TSPAN14: variants seen among roughly 807,000 people sequenced by gnomAD.
TSPAN14 encodes tetraspanin 14, also known as tetraspanin-14.
TSPAN14 carries 16 observed loss-of-function variants against 36.6 expected under a neutral mutation model. The ratio of observed to expected loss-of-function variants is 0.44; its 90% CI spans 0.30 to 0.66. The LOEUF (loss-of-function observed/expected upper bound fraction) is 0.66. Ranked by LOEUF, TSPAN14 falls within the 30% of genes least tolerant of loss-of-function variation. TSPAN14 has a pLI of 0.12. For missense variants in TSPAN14, 231 were observed against 355.1 expected (o/e 0.65, Z 2.81); for synonymous variants, 139 against 143.8 (o/e 0.97, Z 0.24).
chr10:80,513,023 C>G (rs1180909170), intron 6 of TSPAN14, among the ~76,000 whole-genome samples: 2 of 152,174 alleles, frequency 1.3e-5, no homozygotes, highest in Non-Finnish European at 2.9e-5. Flanking sequence ...CTCAACCTCC[C>G]AAGTAGCTGG....
intron 2 of TSPAN14, among the ~76,000 whole-genome samples, chr10:80,496,334 T>C (rs138690981): frequency 5.9e-5 from 9 of 152,340 alleles, no homozygotes; most frequent in Non-Finnish European, 2.9e-5. Flanking sequence ...CACATTTTGA[T>C]ATGTTTTCAC....
intron 5 of TSPAN14, among the ~76,000 whole-genome samples, chr10:80,511,773 CCCT>C (rs1840665329): frequency 9.8e-6 from 1 of 101,708 alleles, no homozygotes; most frequent in African/African-American, 3.8e-5. Flanking sequence ...TCTCTCTCTC[CCCT>C]TTTTTCTTTC....
chr10:80,490,567 G>A (rs902927242), intron 2 of TSPAN14, among the ~76,000 whole-genome samples: 2 of 152,192 alleles, frequency 1.3e-5, no homozygotes, highest in African/African-American at 2.4e-5. Context: ...ATTGGTAATG[G>A]CTTAGACAAA....
intron 6 of TSPAN14, 129 bp downstream of exon 6, chr10:80,512,398 A>T: frequency 1.5e-6 from 2 of 1,342,904 alleles, no homozygotes; most frequent in Non-Finnish European, 2.0e-6. Context: ...CTTTCTCCAC[A>T]CCCTCCTCAA....
At chr10:80,520,434 GCCT>G (rs1841201692) in exon 9 of TSPAN14, 1 of 420,776 alleles carries the variant, frequency 2.4e-6, no homozygotes, top group Non-Finnish European at 4.8e-6. Context: ...CACAGGGCAG[GCCT>G]CCTGTGCACT....
chr10:80,472,949 C>T (rs563319942), intron 1 of TSPAN14, among the ~76,000 whole-genome samples: 2 of 152,070 alleles, frequency 1.3e-5, no homozygotes, highest in African/African-American at 2.4e-5. Context: ...GCTCCTGAGC[C>T]GTTCTGCTGT....
intron 4 of TSPAN14, among the ~76,000 whole-genome samples, chr10:80,508,814 G>A (rs544366593): frequency 2.4e-4 from 37 of 152,272 alleles, no homozygotes; most frequent in African/African-American, 7.9e-4. Context: ...TAACAGATAC[G>A]TAGGCACTCG....
At chr10:80,497,313 AGATGGTTTTAGTGT>A (rs1245409676) in intron 2 of TSPAN14, among the ~76,000 whole-genome samples, 23 of 152,304 alleles carry the variant, frequency 1.5e-4, no homozygotes, top group Admixed American at 1.3e-3. Flanking sequence ...CTCCAGGTCC[AGATGGTTTTAGTGT>A]GATAGTTTAC....
At chr10:80,504,646 G>C in intron 2 of TSPAN14, 82 bp from the exon 3 acceptor site, 2 of 1,550,216 alleles carry the variant, frequency 1.3e-6, no homozygotes, top group Non-Finnish European at 1.8e-6. Context: ...CTACCTGGCA[G>C]TGTGGACTTT....
chr10:80,485,201 G>A (rs929036420), intron 1 of TSPAN14, among the ~76,000 whole-genome samples: 10 of 53,660 alleles, frequency 1.9e-4, no homozygotes, highest in African/African-American at 4.4e-4. Flanking sequence ...TCATGCGTGC[G>A]TGTGTGTGTG....
exon 9 of TSPAN14, chr10:80,519,927 C>T (rs1202624854): frequency 6.6e-6 from 1 of 151,744 alleles, no homozygotes; most frequent in African/African-American, 2.4e-5. Flanking sequence ...ACTTCAACTC[C>T]ATAGGTCTAG....
chr10:80,504,061 G>A (rs1440692177), intron 2 of TSPAN14, among the ~76,000 whole-genome samples: 10 of 152,160 alleles, frequency 6.6e-5, no homozygotes, highest in Non-Finnish European at 1.3e-4. Context: ...CCTCTGGGGC[G>A]AGCTCATTGC....
In TSPAN14 at chr10:80,467,472, G is replaced by A. The variant is rs1024315872; in HGVS notation, c.-18+13101G>A. On this transcript the variant is annotated intron_variant, in intron 1 of 8. Coordinates refer to ENST00000429989, the Ensembl canonical transcript of TSPAN14. ...GTGACCTTGGTGGGTCACTTCCTGG[G>A]GTGTAGATTCTTACTAGAAAATGGA... Among the ~76,000 whole-genome samples the A allele has an allele frequency of 9.2e-5, 14 of 152,218 alleles. 1 individual carries two copies. The highest frequency in any genetic ancestry group is 3.1e-4 in the African/African-American group (13 of 41,526).
At chr10:80,462,213 C>G (rs1313756536) in intron 1 of TSPAN14, among the ~76,000 whole-genome samples, 1 of 152,164 alleles carries the variant, frequency 6.6e-6, no homozygotes, top group African/African-American at 2.4e-5. Flanking sequence ...CAGAAAGCAT[C>G]TTATTCTGTA....
At chr10:80,475,000 A>G (rs2131980728) in intron 1 of TSPAN14, among the ~76,000 whole-genome samples, 1 of 152,320 alleles carries the variant, frequency 6.6e-6, no homozygotes, top group South Asian at 2.1e-4. Context: ...GCATCGTCCA[A>G]ACAGGGCCAG....
chr10:80,461,152 C>G (rs1217305419), intron 1 of TSPAN14, among the ~76,000 whole-genome samples: 1 of 152,142 alleles, frequency 6.6e-6, no homozygotes, highest in African/African-American at 2.4e-5. Flanking sequence ...TCTACTTGAT[C>G]AGACTCTGCC....
At chr10:80,499,765 C>T (rs1481282876) in intron 2 of TSPAN14, among the ~76,000 whole-genome samples, 2 of 152,210 alleles carry the variant, frequency 1.3e-5, no homozygotes, top group East Asian at 3.9e-4. Context: ...TAATGCAGCG[C>T]ACAGCTCCCA....
At chr10:80,470,377 C>G (rs139693521) in intron 1 of TSPAN14, among the ~76,000 whole-genome samples, 2 of 152,310 alleles carry the variant, frequency 1.3e-5, no homozygotes, top group East Asian at 1.9e-4. Flanking sequence ...CTGCGCCCAG[C>G]CTTTCCTGAA....
exon 9 of TSPAN14, chr10:80,521,203 C>T (rs1390815508): frequency 5.4e-6 from 1 of 185,432 alleles, no homozygotes; most frequent in East Asian, 1.5e-4. Flanking sequence ...GTGTCAGTCT[C>T]ATCAGGGAAC....
Sources: allele counts gnomAD v4.1 joint callset (sites outside exome capture counted in the v4.1 genomes callset), GRCh38; gene constraint gnomAD v4.1.1; transcripts MANE v1.5; gene names NCBI Gene and HGNC (gene_info 2026-07-23, HGNC 2026-07-21).